Variants in DEPDC1B observed in about 807,000 individuals in gnomAD.
DEPDC1B encodes the protein DEP domain containing 1B.
In DEPDC1B, 51 loss-of-function variants were observed where a neutral mutation model predicts 66.5. The ratio of observed to expected loss-of-function variants is 0.77; its 90% CI spans 0.61 to 0.97. The LOEUF is 0.97. Ranked by LOEUF, DEPDC1B falls within the 50% of genes least tolerant of loss-of-function variation. The pLI is 0.00. For synonymous variants in DEPDC1B, 226 were observed against 223.6 expected, an observed-to-expected ratio of 1.01 and a Z score of -0.10; for missense variants, 552 against 637.1, an observed-to-expected ratio of 0.87 and a Z score of 1.44.
chr5:60,685,597 T>A (rs957970466), intron 2 of DEPDC1B, among the ~76,000 whole-genome samples: 2 of 152,176 alleles, frequency 1.3e-5, no homozygotes, highest in Non-Finnish European at 1.5e-5. Flanking sequence ...TATTTTACTC[T>A]GCTGGGACTC....
chr5:60,671,635 A>C lies in DEPDC1B; in HGVS notation c.314+15327T>G, dbSNP rs1754036997. 2.0e-5 allele frequency among the ~76,000 whole-genome samples: 3 copies of C among 152,138 alleles called. No individual in the cohort carries two copies. The South Asian group carries it at 6.2e-4, about 31-fold the overall frequency. ...TGAGGTCAGGCCTTCATCACAGCCT[A>C]TAGGCTCACTCCATTGCCTCCTGTT... On this transcript the variant is annotated intron_variant, in intron 2 of 10. Coordinates refer to ENST00000265036, the MANE Select transcript of DEPDC1B (RefSeq NM_018369.3).
intron 2 of DEPDC1B, among the ~76,000 whole-genome samples, chr5:60,668,690 T>C (rs1273250566): frequency 6.6e-6 from 1 of 152,066 alleles, no homozygotes; most frequent in Non-Finnish European, 1.5e-5. Flanking sequence ...TGAATAAGCA[T>C]AAAAATATAC....
chr5:60,616,304 C>A (rs181051040), intron 7 of DEPDC1B, among the ~76,000 whole-genome samples: 3 of 152,054 alleles, frequency 2.0e-5, no homozygotes, highest in African/African-American at 7.2e-5. Context: ...ATGACTTTGA[C>A]GAGTTGAGAG....
chr5:60,652,850 CA>C (rs1165375125), intron 2 of DEPDC1B, among the ~76,000 whole-genome samples: 1 of 149,256 alleles, frequency 6.7e-6, no homozygotes, highest in African/African-American at 2.5e-5. Flanking sequence ...TGAGGACACG[CA>C]ATGTTTGGTT....
In DEPDC1B at chr5:60,662,690, G is replaced by A. The variant is rs374998133; in HGVS notation, c.315-15157C>T. Among the ~76,000 whole-genome samples, 47 of 152,244 alleles carry A rather than the reference G, an allele frequency of 3.1e-4. No homozygotes were observed. In the East Asian group the frequency reaches 4.8e-3, roughly 16 times the overall value. The stretch of plus-strand genomic sequence containing the variant: ...ATAAGCTGCCCCCTCGTCCATGCCC[G>A]TGATGTCAAGGGAATCACTGGAAGG... On this transcript the variant is annotated intron_variant, in intron 2 of 10. Transcript: ENST00000265036.
intron 9 of DEPDC1B, among the ~76,000 whole-genome samples, chr5:60,601,304 A>G (rs1404733938): frequency 6.6e-6 from 1 of 152,250 alleles, no homozygotes; most frequent in Non-Finnish European, 1.5e-5. Flanking sequence ...ATATCAGAGG[A>G]AAAAATTAAA....
intron 4 of DEPDC1B, among the ~76,000 whole-genome samples, chr5:60,645,160 G>A (rs1205337952): frequency 1.3e-5 from 2 of 152,114 alleles, no homozygotes; most frequent in Admixed American, 6.6e-5. Context: ...CCAATGATAA[G>A]AAACTACTAT....
intron 7 of DEPDC1B, among the ~76,000 whole-genome samples, chr5:60,629,072 C>G (rs932817848): frequency 2.0e-5 from 3 of 152,166 alleles, no homozygotes; most frequent in Non-Finnish European, 2.9e-5. Context: ...GGGGTAAAAA[C>G]AGCTCCGGTA....
Position 60,670,641 on chromosome 5 carries a change from T to C in DEPDC1B, c.314+16321A>G, listed in dbSNP as rs533875196. On this transcript the variant is annotated intron_variant, in intron 2 of 10. Coordinates refer to ENST00000265036, the MANE Select transcript of DEPDC1B (RefSeq NM_018369.3). ...AAGCTACACATGTAGAATGGAATGG[T>C]ATATGAATTAAGTCAGAGGACTCTA... Among the ~76,000 whole-genome samples the C allele has an allele frequency of 9.9e-5, 15 of 152,274 alleles. No homozygotes were observed. In the South Asian group the frequency reaches 3.1e-3, roughly 32 times the overall value.
intron 9 of DEPDC1B, among the ~76,000 whole-genome samples, chr5:60,602,413 A>C (rs1752219699): frequency 6.6e-6 from 1 of 152,188 alleles, no homozygotes; most frequent in Admixed American, 6.5e-5. Context: ...TTCTAGAAAC[A>C]GCTGGACAAT....
At chr5:60,653,234 T>C (rs1229004417) in intron 2 of DEPDC1B, among the ~76,000 whole-genome samples, 1 of 149,440 alleles carries the variant, frequency 6.7e-6, no homozygotes, top group Non-Finnish European at 1.5e-5. Flanking sequence ...ACCAGCAGTC[T>C]AAACGTGTTC....
chr5:60,667,583 CATATATAAAAATGGATATTTTACAT>C (rs1388359219), intron 2 of DEPDC1B, among the ~76,000 whole-genome samples: 8 of 131,494 alleles, frequency 6.1e-5, no homozygotes, highest in African/African-American at 2.4e-4. Context: ...GGATATTTTA[CATATATAAAAATGGATATTTTACAT>C]ATATATAAAA....
intron 7 of DEPDC1B, among the ~76,000 whole-genome samples, chr5:60,609,780 C>T (rs1287889104): frequency 6.6e-6 from 1 of 152,170 alleles, no homozygotes; most frequent in East Asian, 1.9e-4. Flanking sequence ...AAGAGCAGAA[C>T]ACTTGTTCCA....
intron 2 of DEPDC1B, among the ~76,000 whole-genome samples, chr5:60,667,802 C>CATATATATAAAAAATGGATATTTTAT (rs1753897845): frequency 6.7e-5 from 4 of 59,386 alleles, no homozygotes; most frequent in Non-Finnish European, 1.5e-4. Flanking sequence ...GGATATTTTA[C>CATATATATAAAAAATGGATATTTTAT]ATATATATAA....
intron 2 of DEPDC1B, among the ~76,000 whole-genome samples, chr5:60,660,611 T>TA (rs1192760105): frequency 6.6e-6 from 1 of 152,084 alleles, no homozygotes; most frequent in Non-Finnish European, 1.5e-5. Context: ...CAGAAGAAAG[T>TA]AAAAAAATAA....
In DEPDC1B at chr5:60,654,308, GA is replaced by G. The variant is rs1482331430; in HGVS notation, c.315-6776del. On this transcript the variant is annotated intron_variant, in intron 2 of 10. Coordinates refer to ENST00000265036, the MANE Select transcript of DEPDC1B (RefSeq NM_018369.3). ...GCAGTGTTTTGTAGTTTTCTTTGTA[GA>G]GATCTTTCCCCTTCTTGATTAGGTA... Among the ~76,000 whole-genome samples, 7 of 148,234 alleles carry G rather than the reference GA, an allele frequency of 4.7e-5. 1 individual carries two copies. Among genetic ancestry groups the G allele is most frequent in the Non-Finnish European group, 5.9e-5 (4 of 67,792 alleles).
intron 1 of DEPDC1B, among the ~76,000 whole-genome samples, chr5:60,698,303 G>T (rs1054351230): frequency 6.6e-6 from 1 of 152,364 alleles, no homozygotes; most frequent in East Asian, 1.9e-4. Context: ...CCATCAAGAA[G>T]TGGAGTTGAA....
At chr5:60,615,526 C>A (rs286149) in intron 7 of DEPDC1B, among the ~76,000 whole-genome samples, 1 of 152,146 alleles carries the variant, frequency 6.6e-6, no homozygotes, top group African/African-American at 2.4e-5. Flanking sequence ...GAGGGTCCTA[C>A]GCCCACGGAG....
At chr5:60,685,124 G>T (rs1046939859) in intron 2 of DEPDC1B, among the ~76,000 whole-genome samples, 3 of 152,104 alleles carry the variant, frequency 2.0e-5, no homozygotes, top group African/African-American at 4.8e-5. Context: ...AGTACTCTTT[G>T]CCCAAGGAAA....
Sources: allele counts gnomAD v4.1 joint callset (sites outside exome capture counted in the v4.1 genomes callset), GRCh38; gene constraint gnomAD v4.1.1; transcripts MANE v1.5; gene names NCBI Gene and HGNC (gene_info 2026-07-23, HGNC 2026-07-21).